The following CREBBP variants were observed in gnomAD, a reference collection of about 807,000 sequenced individuals.
CREBBP encodes the protein CREB binding lysine acetyltransferase, also known as CREB-binding protein.
In CREBBP, 19 loss-of-function variants were observed where a neutral mutation model predicts 265.0. That is an observed-to-expected ratio of 0.07 (90% CI 0.05 to 0.11). The LOEUF (loss-of-function observed/expected upper bound fraction) is 0.11. CREBBP is among the 10% of genes least tolerant of loss of function. CREBBP has a pLI of 1.00. For missense variants in CREBBP, 2,525 were observed against 3,219.0 expected (o/e 0.78, Z 5.22); for synonymous variants, 1,457 against 1,223.7 (o/e 1.19, Z -3.98).
In CREBBP at chr16:3,782,705, T is replaced by A; in HGVS notation, c.1552A>T (p.Met518Leu). The stretch of plus-strand genomic sequence containing the variant: ...CTACCCAGGGGGTTGAGAGTCCTCA[T>A]CTGCTGGTGGGTTTGAGGCTGTGCT... ...QPAQPQTHQQ[M>L]RTLNPLGNNP... Residue 518 changes from methionine to leucine, a missense_variant, in exon 6 of 31, where the codon ATG becomes TTG. By Grantham distance (15) the Met-to-Leu change is conservative. Around this residue, in one of 19 missense-constraint regions of CREBBP, gnomAD observed 144 missense variants for 134.0 expected, o/e 1.07. Coordinates refer to ENST00000262367, the MANE Select transcript of CREBBP (RefSeq NM_004380.3). 1.1e-5 allele frequency: 18 copies of A among 1,614,128 alleles called. No individual in the cohort carries two copies. The highest frequency in any genetic ancestry group is 1.5e-5 in the Non-Finnish European group (18 of 1,179,998).
intron 2 of CREBBP, among the ~76,000 whole-genome samples, chr16:3,832,239 G>C (rs1425256377): frequency 1.3e-5 from 2 of 152,110 alleles, no homozygotes; most frequent in East Asian, 3.9e-4. Flanking sequence ...CGCTTCACTG[G>C]TGAATTTTAT....
intron 8 of CREBBP, among the ~76,000 whole-genome samples, chr16:3,780,420 C>T (rs756695635): frequency 3.3e-5 from 5 of 152,164 alleles, no homozygotes; most frequent in Non-Finnish European, 7.4e-5. Flanking sequence ...CCCCCTCACG[C>T]AGCCTAAAGT....
At chr16:3,836,589 G>T (rs930743045) in intron 2 of CREBBP, among the ~76,000 whole-genome samples, 1 of 152,010 alleles carries the variant, frequency 6.6e-6, no homozygotes, top group Non-Finnish European at 1.5e-5. Flanking sequence ...ATGGGTAAAG[G>T]GTTTTGACAA....
chr16:3,806,557 TTCTCAG>T (rs1203863263), intron 3 of CREBBP, among the ~76,000 whole-genome samples: 5 of 152,114 alleles, frequency 3.3e-5, no homozygotes, highest in Admixed American at 1.3e-4. Flanking sequence ...TCACTGAATG[TTCTCAG>T]TCTAAGACGT....
chr16:3,794,143 C>A (rs187558079), intron 3 of CREBBP, among the ~76,000 whole-genome samples: 9 of 151,790 alleles, frequency 5.9e-5, no homozygotes, highest in African/African-American at 1.9e-4. Context: ...CTGGCTAACA[C>A]GATGAGACCT....
At chr16:3,859,213 A>T (rs1002793164) in intron 1 of CREBBP, among the ~76,000 whole-genome samples, 10 of 150,100 alleles carry the variant, frequency 6.7e-5, no homozygotes, top group Admixed American at 2.0e-4. Flanking sequence ...TTTTATTTTT[A>T]TTTTTTTTTG....
At chr16:3,848,769 TC>T (rs1350342440) in intron 2 of CREBBP, among the ~76,000 whole-genome samples, 1 of 152,144 alleles carries the variant, frequency 6.6e-6, no homozygotes, top group Non-Finnish European at 1.5e-5. Flanking sequence ...GATCAATCTC[TC>T]CAGGAACCAT....
In CREBBP at chr16:3,727,217, T is replaced by A. The variant is rs561585661; in HGVS notation, c.*501A>T. 6.7e-5 allele frequency: 17 copies of A among 253,228 alleles called. No homozygotes were observed. The South Asian group carries it at 2.0e-3, about 30-fold the overall frequency. The allele number at this position is 253,228 out of a possible 1,614,324, so 15.7% of individuals were successfully genotyped here. On this transcript the variant is annotated 3_prime_UTR_variant, in exon 31 of 31. Coordinates refer to ENST00000262367, the MANE Select transcript of CREBBP (RefSeq NM_004380.3). Reference sequence around the variant, plus strand: ...GTAATACTGGGAGACGCCCACAGAGTTCACTATAGAAAAAAATCTTCCCGA... The same window carrying A: ...GTAATACTGGGAGACGCCCACAGAGATCACTATAGAAAAAAATCTTCCCGA...
Position 3,822,283 on chromosome 16 carries a change from AG to A in CREBBP, c.799-11505del, listed in dbSNP as rs374110296. ...GGACGTCAAGAACGCACAGTAAAGG[AG>A]GCGGCAATAAAGGAAGGCGTGAATG... On this transcript the variant is annotated intron_variant, in intron 2 of 30. Coordinates refer to ENST00000262367, the MANE Select transcript of CREBBP (RefSeq NM_004380.3). 2.7e-3 allele frequency among the ~76,000 whole-genome samples: 404 copies of A among 152,328 alleles called. 1 individual carries two copies. Among genetic ancestry groups the A allele is most frequent in the African/African-American group, 9.0e-3 (376 of 41,566 alleles).
At chr16:3,761,694 C>T (rs1435351541) in intron 16 of CREBBP, 7 of 449,928 alleles carry the variant, frequency 1.6e-5, no homozygotes, top group East Asian at 6.8e-5. Flanking sequence ...CCCACGCACA[C>T]GGTCCCCAGC....
At position 3,731,606 on chromosome 16, in the gene CREBBP, G is replaced by T; in HGVS notation, c.4891-133C>A. 7.1e-7 allele frequency: 1 copy of T among 1,418,000 alleles called. No individual in the cohort carries two copies. Among genetic ancestry groups the T allele is most frequent in the Non-Finnish European group, 9.8e-7 (1 of 1,020,372 alleles). 87.8% of individuals were successfully genotyped at this position (1,418,000 alleles called of 1,614,324 possible). ...CCTGATGGCCCTGATGCCTTGGGAT[G>T]GAACAAAATTGGTGACACGTTGCAT... is the stretch of plus-strand genomic sequence containing the variant. On this transcript the variant is annotated intron_variant, in intron 29 of 30. Transcript: ENST00000262367. The surrounding 1 kb of genome is among the most constrained non-coding windows in gnomAD (Gnocchi z 7.7).
intron 1 of CREBBP, among the ~76,000 whole-genome samples, chr16:3,875,340 T>C (rs573521131): frequency 4.8e-4 from 73 of 152,304 alleles, no homozygotes; most frequent in Non-Finnish European, 7.9e-4. Context: ...GGTCATGAAA[T>C]GTCCTAGTCC....
At chr16:3,876,399 CAAAAAA>C (rs71133663) in intron 1 of CREBBP, among the ~76,000 whole-genome samples, 15 of 18,162 alleles carry the variant, frequency 8.3e-4, no homozygotes, top group African/African-American at 2.4e-3. Context: ...TAAAGCTGAC[CAAAAAA>C]AAAAAAAAAA....
At chr16:3,851,669 A>C (rs2141500399) in intron 1 of CREBBP, among the ~76,000 whole-genome samples, 1 of 151,916 alleles carries the variant, frequency 6.6e-6, no homozygotes, top group Non-Finnish European at 1.5e-5. Flanking sequence ...CCTGGCTAAC[A>C]CGGTGAAACC....
intron 21 of CREBBP, among the ~76,000 whole-genome samples, chr16:3,748,390 C>T (rs1439177852): frequency 1.3e-5 from 2 of 152,176 alleles, no homozygotes; most frequent in Admixed American, 6.5e-5. Context: ...AAAAACAATC[C>T]GATGGTCATG....
intron 28 of CREBBP, among the ~76,000 whole-genome samples, chr16:3,732,191 A>T (rs2051936389): frequency 6.6e-6 from 1 of 152,188 alleles, no homozygotes; most frequent in South Asian, 2.1e-4. Flanking sequence ...AGAGACCCAG[A>T]GTGCGAGTTC....
At chr16:3,754,302 G>A (rs1265227533) in intron 19 of CREBBP, among the ~76,000 whole-genome samples, 1 of 152,188 alleles carries the variant, frequency 6.6e-6, no homozygotes, top group Non-Finnish European at 1.5e-5. Context: ...AGTAAAATCA[G>A]CTAAAGCAAC....
chr16:3,768,145 T>TTG (rs1567296515), intron 15 of CREBBP, among the ~76,000 whole-genome samples: 1 of 102,810 alleles, frequency 9.7e-6, no homozygotes, highest in African/African-American at 5.0e-5. Flanking sequence ...TGTTTTTTTT[T>TTG]TTTTTTTTTT....
In CREBBP at chr16:3,851,032, A is replaced by C. The variant is rs375777381; in HGVS notation, c.86-23T>G. On this transcript the variant is annotated intron_variant, in intron 1 of 30. Transcript: ENST00000262367. ...AATCTAGAAATTAAACAGAAATGGA[A>C]ATGAGAAACTAAGCAACCTTTACAG... 5.6e-6 allele frequency: 9 copies of C among 1,605,070 alleles called. No homozygotes were observed. In the African/African-American group the frequency reaches 1.2e-4, roughly 21 times the overall value.
Sources: gnomAD v4.1 joint callset for allele counts (sites outside exome capture counted in the v4.1 genomes callset) on GRCh38, gnomAD v4.1.1 for gene constraint, gnomAD v4.1.1 regional missense constraint, Gnocchi (gnomAD v3.1) non-coding constraint, MANE v1.5 for transcripts, NCBI Gene and HGNC (gene_info 2026-07-23, HGNC 2026-07-21) for gene names.